MAGI1: variants seen among roughly 807,000 people sequenced by gnomAD.
MAGI1 encodes the protein membrane-associated guanylate kinase, WW and PDZ domain-containing protein 1.
MAGI1 carries 58 observed loss-of-function variants against 139.9 expected under a neutral mutation model. The ratio of observed to expected loss-of-function variants is 0.41; its 90% CI spans 0.34 to 0.52. The LOEUF is 0.52. Among genes scored for constraint, MAGI1 ranks in the 20% least tolerant of loss-of-function variants. The pLI is 0.12. For missense variants in MAGI1, 1,874 were observed against 1,901.6 expected, an observed-to-expected ratio of 0.99 and a Z score of 0.27; for synonymous variants, 812 against 737.9, an observed-to-expected ratio of 1.10 and a Z score of -1.63.
chr3:65,604,448 G>C (rs147926915), intron 2 of MAGI1, among the ~76,000 whole-genome samples: 1 of 152,182 alleles, frequency 6.6e-6, no homozygotes, highest in East Asian at 1.9e-4. Flanking sequence ...TTTTAAATTG[G>C]CCAAGGGCCT....
chr3:65,713,402 A>G (rs899788783), intron 1 of MAGI1, among the ~76,000 whole-genome samples: 2 of 152,178 alleles, frequency 1.3e-5, no homozygotes, highest in East Asian at 1.9e-4. Flanking sequence ...GGAGGTAACC[A>G]TTGTTTTCCC....
chr3:65,507,359 CA>C (rs1184896105), intron 2 of MAGI1, among the ~76,000 whole-genome samples: 1 of 152,168 alleles, frequency 6.6e-6, no homozygotes, highest in Admixed American at 6.5e-5. Context: ...CTCAAACATT[CA>C]AAAAGTGTCT....
chr3:65,485,427 CCT>C (rs1951564749), intron 3 of MAGI1, among the ~76,000 whole-genome samples: 1 of 152,004 alleles, frequency 6.6e-6, no homozygotes, highest in African/African-American at 2.4e-5. Flanking sequence ...AGGTAAGGGA[CCT>C]CTCTCTCTTC....
At chr3:66,012,140 C>A (rs1276417393) in intron 1 of MAGI1, among the ~76,000 whole-genome samples, 1 of 152,100 alleles carries the variant, frequency 6.6e-6, no homozygotes, top group African/African-American at 2.4e-5. Flanking sequence ...AGAATGACAG[C>A]CACTGAAACA....
Position 65,841,803 on chromosome 3 carries a change from C to T in MAGI1, c.313+196193G>A, listed in dbSNP as rs190897426. Among the ~76,000 whole-genome samples the T allele has an allele frequency of 1.2e-3, 188 of 152,252 alleles. 1 individual carries two copies. Among genetic ancestry groups the T allele is most frequent in the Middle Eastern group, 0.01 (3 of 294 alleles). ...AGCCTTTTTGAACCAACACAGGGTT[C>T]ACAGGAACCTAACTGTATATTCACA... On this transcript the variant is annotated intron_variant, in intron 1 of 22. Coordinates refer to ENST00000402939, the MANE Select transcript of MAGI1 (RefSeq NM_001033057.2).
intron 1 of MAGI1, among the ~76,000 whole-genome samples, chr3:65,678,787 G>A (rs1359117835): frequency 6.6e-6 from 1 of 152,128 alleles, no homozygotes; most frequent in Non-Finnish European, 1.5e-5. Flanking sequence ...CATTTGGCGT[G>A]ACATCTCTCT....
intron 1 of MAGI1, among the ~76,000 whole-genome samples, chr3:65,902,995 G>T (rs1412586654): frequency 6.6e-6 from 1 of 151,952 alleles, no homozygotes; most frequent in African/African-American, 2.4e-5. Context: ...AGTCTTTTTT[G>T]GGGGGAGTGG....
chr3:65,370,744 A>T (rs183880428), intron 18 of MAGI1, among the ~76,000 whole-genome samples: 23 of 152,292 alleles, frequency 1.5e-4, no homozygotes, highest in Admixed American at 7.8e-4. Context: ...CCTGGGCTCC[A>T]GCCATCCTCC....
intron 2 of MAGI1, among the ~76,000 whole-genome samples, chr3:65,545,738 C>T (rs1477653822): frequency 2.0e-5 from 3 of 151,900 alleles, no homozygotes; most frequent in Non-Finnish European, 4.4e-5. Context: ...GATGATGCAC[C>T]ATTTATTTTA....
intron 1 of MAGI1, among the ~76,000 whole-genome samples, chr3:65,793,150 A>C (rs190859415): frequency 8.5e-5 from 13 of 152,330 alleles, no homozygotes; most frequent in Admixed American, 8.5e-4. Context: ...GGGATGTTGG[A>C]AGGCACAAGG....
chr3:65,587,945 A>G (rs1360988609), intron 2 of MAGI1, among the ~76,000 whole-genome samples: 2 of 152,170 alleles, frequency 1.3e-5, no homozygotes, highest in Non-Finnish European at 2.9e-5. Flanking sequence ...GAGAAGCTCA[A>G]CTTCCCAGTG....
chr3:65,629,434 A>T (rs1260163865), intron 1 of MAGI1, among the ~76,000 whole-genome samples: 1 of 152,194 alleles, frequency 6.6e-6, no homozygotes, highest in Non-Finnish European at 1.5e-5. Context: ...AGGATTTTGA[A>T]CTAATCACAC....
intron 2 of MAGI1, among the ~76,000 whole-genome samples, chr3:65,608,980 T>A (rs2106911701): frequency 6.6e-6 from 1 of 152,222 alleles, no homozygotes; most frequent in African/African-American, 2.4e-5. Flanking sequence ...GCAAACAAAG[T>A]TACAGCAGAA....
chr3:65,464,738 GC>G (rs1429871518), intron 5 of MAGI1, among the ~76,000 whole-genome samples: 1 of 151,964 alleles, frequency 6.6e-6, no homozygotes, highest in Non-Finnish European at 1.5e-5. Context: ...TCGTTAAAGT[GC>G]TGTATTTAGT....
chr3:65,391,741 G>A lies in MAGI1; in HGVS notation c.2200-383C>T, dbSNP rs72892324. 6.3e-3 allele frequency among the ~76,000 whole-genome samples: 954 copies of A among 152,216 alleles called. 15 individuals carry two copies. The highest frequency in any genetic ancestry group is 0.022 in the African/African-American group (897 of 41,518). The stretch of plus-strand genomic sequence containing the variant: ...AATACCATGAGTGGTTTAGGATAAG[G>A]CTATAATATCCAGAAGAAATATAAT... On this transcript the variant is annotated intron_variant, in intron 13 of 22. Coordinates refer to ENST00000402939, the MANE Select transcript of MAGI1 (RefSeq NM_001033057.2).
chr3:65,578,945 GAC>G (rs1183113670), intron 2 of MAGI1, among the ~76,000 whole-genome samples: 1 of 142,760 alleles, frequency 7.0e-6, no homozygotes, highest in African/African-American at 2.5e-5. Context: ...GAGAGAGAGA[GAC>G]AGAGAGAGAG....
At chr3:65,527,932 T>A (rs1214136011) in intron 2 of MAGI1, among the ~76,000 whole-genome samples, 1 of 151,490 alleles carries the variant, frequency 6.6e-6, no homozygotes, top group South Asian at 2.1e-4. Context: ...AAGTTAATTA[T>A]ATTTAAGAGA....
Position 65,478,813 on chromosome 3 carries a change from G to A in MAGI1, c.551-15C>T. The A allele has an allele frequency of 6.3e-7, 1 of 1,587,042 alleles. No homozygotes were observed. Among genetic ancestry groups the A allele is most frequent in the Non-Finnish European group, 8.6e-7 (1 of 1,156,198 alleles). ...ATAATAGTTTCCTAGGTGATGGAGAGACACATTTGCATGTTTCAAAAGGAA... is the reference window on the plus strand; with the variant it reads ...ATAATAGTTTCCTAGGTGATGGAGAAACACATTTGCATGTTTCAAAAGGAA... On this transcript the variant is annotated splice_polypyrimidine_tract_variant and intron_variant, in intron 3 of 22. Transcript: ENST00000402939.
chr3:65,398,669 A>T (rs1944603883), intron 13 of MAGI1, among the ~76,000 whole-genome samples: 1 of 152,210 alleles, frequency 6.6e-6, no homozygotes, highest in African/African-American at 2.4e-5. Context: ...ATGAGTTTTC[A>T]GTCAGGATGA....
Sources: gnomAD v4.1 joint callset for allele counts (sites outside exome capture counted in the v4.1 genomes callset) on GRCh38, gnomAD v4.1.1 for gene constraint, MANE v1.5 for transcripts, NCBI Gene and HGNC (gene_info 2026-07-23, HGNC 2026-07-21) for gene names.